The following IQSEC1 variants were observed in gnomAD, a reference collection of about 807,000 sequenced individuals.
IQSEC1 encodes the protein IQ motif and SEC7 domain-containing protein 1.
A neutral mutation model predicts 91.0 loss-of-function variants in IQSEC1; 31 were observed. The observed-to-expected ratio is 0.34, with a 90% confidence interval of 0.26 to 0.46. The LOEUF is 0.46. Among genes scored for constraint, IQSEC1 ranks in the 20% least tolerant of loss-of-function variants. The pLI, the probability that IQSEC1 is intolerant of heterozygous loss-of-function variation, is 1.00. For missense variants in IQSEC1, 1,388 were observed against 1,575.6 expected (o/e 0.88, Z 2.02); for synonymous variants, 699 against 662.6 (o/e 1.05, Z -0.84).
intron 1 of IQSEC1, among the ~76,000 whole-genome samples, chr3:13,025,429 G>C (rs1576183454): frequency 6.6e-6 from 1 of 152,246 alleles, no homozygotes; most frequent in East Asian, 1.9e-4. Flanking sequence ...ACAGCTCAGG[G>C]ACTGTGTGCA....
At chr3:13,093,507 A>T (rs1311230496) in intron 2 of IQSEC1, among the ~76,000 whole-genome samples, 1 of 152,036 alleles carries the variant, frequency 6.6e-6, no homozygotes, top group African/African-American at 2.4e-5. Context: ...CATCCAAGTA[A>T]CTGGTCCCTG....
At chr3:13,280,336 T>G (rs1695765370) in intron 1 of IQSEC1, among the ~76,000 whole-genome samples, 1 of 152,204 alleles carries the variant, frequency 6.6e-6, no homozygotes, top group Non-Finnish European at 1.5e-5. Flanking sequence ...AGGGGATTGG[T>G]TATCCCATGT....
chr3:13,252,288 C>T (rs1354136214), intron 1 of IQSEC1, among the ~76,000 whole-genome samples: 2 of 152,180 alleles, frequency 1.3e-5, no homozygotes, highest in East Asian at 1.9e-4. Context: ...ATAAGGGGAT[C>T]GTATGGATCT....
At position 12,902,178 on chromosome 3, in the gene IQSEC1, TAC is replaced by T. The variant is rs1171013407; in HGVS notation, c.2805+593_2805+594del. Among the ~76,000 whole-genome samples, 5 of 152,146 alleles carry T rather than the reference TAC, an allele frequency of 3.3e-5. No homozygotes were observed. The South Asian group carries it at 1.0e-3, about 32-fold the overall frequency. ...GCTGAGGTAGAGATGTGAACAGTAATACAGAGATGGCCGGAGGATGAGTGAAA... is the reference window on the plus strand; with the variant it reads ...GCTGAGGTAGAGATGTGAACAGTAATAGAGATGGCCGGAGGATGAGTGAAA... On this transcript the variant is annotated intron_variant, in intron 13 of 13. Transcript: ENST00000613206.
intron 1 of IQSEC1, among the ~76,000 whole-genome samples, chr3:13,246,212 T>C (rs1042469922): frequency 6.6e-6 from 1 of 152,218 alleles, no homozygotes; most frequent in Admixed American, 6.5e-5. Flanking sequence ...CACTGCCACA[T>C]GGGTGAACCT....
intron 1 of IQSEC1, among the ~76,000 whole-genome samples, chr3:13,190,341 G>A (rs977885303): frequency 6.6e-6 from 1 of 152,184 alleles, no homozygotes; most frequent in South Asian, 2.1e-4. Context: ...GGAGGCCAAG[G>A]TGGGAGGATC....
chr3:13,204,695 G>A (rs1223760213), intron 1 of IQSEC1, among the ~76,000 whole-genome samples: 3 of 152,186 alleles, frequency 2.0e-5, no homozygotes, highest in Non-Finnish European at 4.4e-5. Flanking sequence ...TCCCTGTCCT[G>A]CGCGTTCGTG....
intron 2 of IQSEC1, among the ~76,000 whole-genome samples, chr3:13,123,681 T>C (rs1485667080): frequency 6.6e-6 from 1 of 152,202 alleles, no homozygotes; most frequent in Non-Finnish European, 1.5e-5. Context: ...TTGAGCCTTC[T>C]TATGGAAAGT....
At chr3:12,911,802 G>A in intron 9 of IQSEC1, 74 bp from the exon 10 acceptor site, 1 of 1,005,864 alleles carries the variant, frequency 9.9e-7, no homozygotes, top group Admixed American at 1.8e-5. Flanking sequence ...TCTGGTCAGA[G>A]GATCCTCCTG....
chr3:12,976,942 G>A (rs957225170), intron 1 of IQSEC1, among the ~76,000 whole-genome samples: 13 of 40,904 alleles, frequency 3.2e-4, no homozygotes, highest in African/African-American at 1.1e-3. Context: ...GATTCTGGAA[G>A]GGCTGGAAAA....
intron 1 of IQSEC1, among the ~76,000 whole-genome samples, chr3:13,063,914 T>C (rs559868414): frequency 6.6e-6 from 1 of 152,080 alleles, no homozygotes; most frequent in African/African-American, 2.4e-5. Context: ...TTACCAGGGA[T>C]CTCAGCCTGT....
chr3:13,246,901 C>T (rs1011287428), intron 1 of IQSEC1, among the ~76,000 whole-genome samples: 2 of 152,186 alleles, frequency 1.3e-5, no homozygotes, highest in South Asian at 2.1e-4. Context: ...CCACCACGAG[C>T]GAATGGGGAG....
chr3:13,268,293 A>G (rs1326268266), intron 1 of IQSEC1, among the ~76,000 whole-genome samples: 1 of 152,222 alleles, frequency 6.6e-6, no homozygotes, highest in Non-Finnish European at 1.5e-5. Context: ...CCTAGACAAG[A>G]ACTTCACCTC....
intron 1 of IQSEC1, among the ~76,000 whole-genome samples, chr3:13,060,175 T>C (rs1453497342): frequency 6.6e-6 from 1 of 151,678 alleles, no homozygotes; most frequent in African/African-American, 2.4e-5. Flanking sequence ...CTCAGAGAGG[T>C]AAAGGGGTTG....
At chr3:13,198,024 G>A (rs1173088325) in intron 1 of IQSEC1, among the ~76,000 whole-genome samples, 1 of 152,224 alleles carries the variant, frequency 6.6e-6, no homozygotes, top group Non-Finnish European at 1.5e-5. Context: ...TGGCCCCGGG[G>A]CAGGGCTTAG....
intron 1 of IQSEC1, among the ~76,000 whole-genome samples, chr3:13,260,251 T>C (rs969504206): frequency 6.6e-6 from 1 of 152,224 alleles, no homozygotes; most frequent in African/African-American, 2.4e-5. Flanking sequence ...TAGTTAACGA[T>C]GTTCTCTGGC....
intron 1 of IQSEC1, among the ~76,000 whole-genome samples, chr3:12,949,662 G>A (rs1699407271): frequency 6.6e-6 from 1 of 152,214 alleles, no homozygotes; most frequent in Non-Finnish European, 1.5e-5. Flanking sequence ...ACCAAGGTTA[G>A]TCACCCAGAG....
In IQSEC1 at chr3:12,900,931, C is replaced by G; in HGVS notation, c.*52G>C. 2.0e-6 allele frequency: 3 copies of G among 1,538,026 alleles called. No homozygotes were observed. Among genetic ancestry groups the G allele is most frequent in the Non-Finnish European group, 2.6e-6 (3 of 1,146,652 alleles). On this transcript the variant is annotated 3_prime_UTR_variant, in exon 14 of 14. Transcript: ENST00000613206. ...TGCGGCTGGCGACCCCCGGGCGTGC[C>G]CTGTGTGGTGTGCAGGTGTTTCAGG...
chr3:13,169,629 T>C (rs534299821), intron 1 of IQSEC1, among the ~76,000 whole-genome samples: 31 of 152,292 alleles, frequency 2.0e-4, no homozygotes, highest in African/African-American at 6.7e-4. Flanking sequence ...GACAACAAAG[T>C]CCAGGCTGAG....
Sources: allele counts gnomAD v4.1 joint callset (sites outside exome capture counted in the v4.1 genomes callset), GRCh38; gene constraint gnomAD v4.1.1; transcripts MANE v1.5; gene names NCBI Gene and HGNC (gene_info 2026-07-23, HGNC 2026-07-21).